Variants in RPL27A observed in about 807,000 individuals in gnomAD.
RPL27A encodes the protein large ribosomal subunit protein uL15.
For missense variants in RPL27A, 118 were observed against 189.4 expected, an observed-to-expected ratio of 0.62 and a Z score of 2.21; for synonymous variants, 69 against 68.3, an observed-to-expected ratio of 1.01 and a Z score of -0.05.
At chr11:8,683,312 T>G (rs1592234712) in intron 2 of RPL27A, 47 bp downstream of exon 2, 1 of 1,543,836 alleles carries the variant, frequency 6.5e-7, no homozygotes, top group African/African-American at 1.4e-5. Flanking sequence ...TCTCTTCGGG[T>G]GCTTAGCTAG....
In RPL27A at chr11:8,688,883, C is replaced by G. The variant is rs920794975; in HGVS notation, c.*3077C>G. The G allele has an allele frequency of 1.3e-5, 2 of 152,308 alleles. No individual in the cohort carries two copies. Among genetic ancestry groups the G allele is most frequent in the Non-Finnish European group, 2.9e-5 (2 of 68,074 alleles). 9.4% of individuals were successfully genotyped at this position (152,308 alleles called of 1,614,324 possible). The stretch of plus-strand genomic sequence containing the variant: ...TGCAGCGCCCACCTGGTGGCTCCAT[C>G]GGCCGCGTTCATCAGTCAGCACGAC... On this transcript the variant is annotated 3_prime_UTR_variant, in exon 5 of 5. Coordinates refer to ENST00000314138, the MANE Select transcript of RPL27A (RefSeq NM_000990.5).
Position 8,684,768 on chromosome 11 carries a change from G to A in RPL27A, c.194G>A (p.Arg65Lys), listed in dbSNP as rs559472851. ...GGTATGAAGCATTACCACTTAAAGA[G>A]GAACCAGAGCTTCTGCCCAACTGTC... ...KVGMKHYHLK[R>K]NQSFCPTVNL... The change falls in exon 4 of 5, where the codon AGG becomes AAG. Residue 65 changes from arginine to lysine, a missense_variant. By Grantham distance (26) the Arg-to-Lys change is conservative (BLOSUM62 2). Transcript: ENST00000314138. 1.9e-6 allele frequency: 3 copies of A among 1,614,136 alleles called. No individual in the cohort carries two copies. The South Asian group carries it at 3.3e-5, about 18-fold the overall frequency.
At position 8,685,313 on chromosome 11, in the gene RPL27A, C is replaced by T. The variant is rs895509189; in HGVS notation, c.319-365C>T. On this transcript the variant is annotated intron_variant, in intron 4 of 4. Transcript: ENST00000314138. ...AGAGGTAGTGTTAAGAGGCCAGAAC[C>T]CTAGGGACGCTTTAAATTCACTTCC... 3 of 508,454 alleles carry T rather than the reference C, an allele frequency of 5.9e-6. No homozygotes were observed. In the Admixed American group the frequency reaches 6.3e-5, roughly 11 times the overall value. The allele number at this position is 508,454 out of a possible 1,614,324, so 31.5% of individuals were successfully genotyped here.
chr11:8,683,863 T>G (rs1467733895), intron 2 of RPL27A, 143 bp from the exon 3 acceptor site: 3 of 720,288 alleles, frequency 4.2e-6, no homozygotes, highest in Non-Finnish European at 7.6e-6. Flanking sequence ...CTATTTTTAG[T>G]AGAGTCGGGG....
chr11:8,683,824 T>C (rs2039542760), intron 2 of RPL27A, 182 bp from the exon 3 acceptor site: 1 of 616,306 alleles, frequency 1.6e-6, no homozygotes, highest in Admixed American at 2.3e-5. Flanking sequence ...ATTACAGGTG[T>C]GCGCCACGAC....
intron 4 of RPL27A, 187 bp downstream of exon 4, chr11:8,685,079 C>G (rs1027542998): frequency 3.1e-5 from 20 of 645,994 alleles, no homozygotes; most frequent in Admixed American, 2.1e-4. Flanking sequence ...CAGGTTGTAT[C>G]AGGTTTGCAT....
rs778309592 is a variant in RPL27A, at chr11:8,683,195, C to T, written c.4-7C>T. ...TTAGGCCTTACCACCAAGCTTTTTC[C>T]ACACAGCCATCCAGACTGAGGAAGA... On this transcript the variant is annotated splice_polypyrimidine_tract_variant and splice_region_variant and intron_variant, in intron 1 of 4. Transcript: ENST00000314138. 2 of 1,614,190 alleles carry T rather than the reference C, an allele frequency of 1.2e-6. No individual in the cohort carries two copies. Among genetic ancestry groups the T allele is most frequent in the East Asian group, 2.2e-5 (1 of 44,884 alleles).
chr11:8,683,000 C>G lies in RPL27A; in HGVS notation c.3+184C>G. ...CTCCCGGAGCCGTGTGTTAGGCCCG[C>G]GGTTCGGATCTCTAGGACACGCGGG... is the stretch of plus-strand genomic sequence containing the variant. On this transcript the variant is annotated intron_variant, in intron 1 of 4. Coordinates refer to ENST00000314138, the MANE Select transcript of RPL27A (RefSeq NM_000990.5). The G allele has an allele frequency of 5.6e-6, 5 of 894,512 alleles. 1 individual carries two copies. In the Middle Eastern group the frequency reaches 1.1e-3, roughly 205 times the overall value. 55.4% of individuals were successfully genotyped at this position (894,512 alleles called of 1,614,324 possible).
chr11:8,685,851 TGTG>T lies in RPL27A; in HGVS notation c.*49_*51del, dbSNP rs1356077998. The T allele has an allele frequency of 3.7e-6, 6 of 1,604,242 alleles. No homozygotes were observed. In the East Asian group the frequency reaches 6.7e-5, roughly 18 times the overall value. On this transcript the variant is annotated 3_prime_UTR_variant, in exon 5 of 5. Transcript: ENST00000314138. ...CATTAAATGCTAACTACTTTTTCCT[TGTG>T]GTGTGAGTGTAGGTTCTTCAGTGGC...
Position 8,684,098 on chromosome 11 carries a change from T to G in RPL27A, c.143+17T>G. 6.2e-7 allele frequency: 1 copy of G among 1,604,104 alleles called. No individual in the cohort carries two copies. The highest frequency in any genetic ancestry group is 1.3e-5 in the African/African-American group (1 of 74,840). ...CGACAAATAGTAAGTGTCCTTGGAC[T>G]GCTTTTATTGACACAGCTTGGGAGG... is the stretch of plus-strand genomic sequence containing the variant. On this transcript the variant is annotated intron_variant, in intron 3 of 4. Transcript: ENST00000314138.
intron 4 of RPL27A, 61 bp downstream of exon 4, chr11:8,684,953 T>TA: frequency 6.8e-7 from 1 of 1,475,030 alleles, no homozygotes; most frequent in South Asian, 1.1e-5. Context: ...TCTGGCTTAA[T>TA]CTAATCCACT....
chr11:8,682,979 C>A, intron 1 of RPL27A, 163 bp downstream of exon 1: 1 of 1,021,968 alleles, frequency 9.8e-7, no homozygotes, highest in South Asian at 1.6e-5. Flanking sequence ...GCGGGGCTCC[C>A]GGAGCCGTGT....
Position 8,687,136 on chromosome 11 carries a change from A to G in RPL27A, c.*1330A>G, listed in dbSNP as rs2039593653. 1 of 152,256 alleles carries G rather than the reference A, an allele frequency of 6.6e-6. No individual in the cohort carries two copies. Among genetic ancestry groups the G allele is most frequent in the Admixed American group, 6.5e-5 (1 of 15,290 alleles). 9.4% of individuals were successfully genotyped at this position (152,256 alleles called of 1,614,324 possible). A position where few individuals can be genotyped will look rare whatever the true frequency, so the allele number is the denominator to read the frequency against. ...CCTCGATTCAGCTGGACAATTTTAA[A>G]CAAATGTATCATTTGGCTTGTATCT... On this transcript the variant is annotated 3_prime_UTR_variant, in exon 5 of 5. Coordinates refer to ENST00000314138, the MANE Select transcript of RPL27A (RefSeq NM_000990.5).
At chr11:8,683,694 T>A (rs1474746393) in intron 2 of RPL27A, 1 of 481,706 alleles carries the variant, frequency 2.1e-6, no homozygotes, top group African/African-American at 2.0e-5. Flanking sequence ...CTTTTTTGTG[T>A]GTGTGTGAGA....
intron 4 of RPL27A, 59 bp downstream of exon 4, chr11:8,684,951 A>AT: frequency 6.7e-7 from 1 of 1,499,530 alleles, no homozygotes; most frequent in South Asian, 1.1e-5. Flanking sequence ...ACTCTGGCTT[A>AT]ATCTAATCCA....
rs2039582925 is a variant in RPL27A at position 8,685,883 on chromosome 11, T to G, written c.*77T>G. The G allele has an allele frequency of 6.9e-7, 1 of 1,439,778 alleles. No individual in the cohort carries two copies. Among genetic ancestry groups the G allele is most frequent in the African/African-American group, 1.4e-5 (1 of 71,228 alleles). The allele number at this position is 1,439,778 out of a possible 1,614,324, so 89.2% of individuals were successfully genotyped here. ...TGAGTGTAGGTTCTTCAGTGGCACC[T>G]CTACATCCTGTGTGCATTGGGAGCC... On this transcript the variant is annotated 3_prime_UTR_variant, in exon 5 of 5. Coordinates refer to ENST00000314138, the MANE Select transcript of RPL27A (RefSeq NM_000990.5).
chr11:8,686,016 T>G lies in RPL27A; in HGVS notation c.*210T>G, dbSNP rs2039584215. 1.8e-6 allele frequency: 1 copy of G among 548,536 alleles called. No homozygotes were observed. Among genetic ancestry groups the G allele is most frequent in the Admixed American group, 3.1e-5 (1 of 32,252 alleles). The allele number at this position is 548,536 out of a possible 1,614,324, so 34.0% of individuals were successfully genotyped here. A position where few individuals can be genotyped will look rare whatever the true frequency, so the allele number is the denominator to read the frequency against. ...GACGTTGGCCAGTTAAACATTTCTGTTTATAAAGTCAGAATAATACCTGTT... is the reference window on the plus strand; with the variant it reads ...GACGTTGGCCAGTTAAACATTTCTGGTTATAAAGTCAGAATAATACCTGTT... On this transcript the variant is annotated 3_prime_UTR_variant, in exon 5 of 5. Coordinates refer to ENST00000314138, the MANE Select transcript of RPL27A (RefSeq NM_000990.5).
chr11:8,683,864 A>G, intron 2 of RPL27A, 142 bp from the exon 3 acceptor site: 2 of 722,680 alleles, frequency 2.8e-6, no homozygotes, highest in Non-Finnish European at 2.5e-6. Flanking sequence ...TATTTTTAGT[A>G]GAGTCGGGGG....
At chr11:8,682,921 G>A (rs2039513037) in intron 1 of RPL27A, 105 bp downstream of exon 1, 3 of 1,412,836 alleles carry the variant, frequency 2.1e-6, no homozygotes, top group South Asian at 1.4e-5. Flanking sequence ...GGGGCTTCCA[G>A]GCTGCGCATG....
Sources: allele counts gnomAD v4.1 joint callset, GRCh38; gene constraint gnomAD v4.1.1; transcripts MANE v1.5; gene names NCBI Gene and HGNC (gene_info 2026-07-23, HGNC 2026-07-21).